The following TMEM8B variants were observed in gnomAD, a reference collection of about 807,000 sequenced individuals.
TMEM8B encodes the protein nasopharyngeal carcinoma expressed 6.
TMEM8B carries 29 observed loss-of-function variants against 49.3 expected under a neutral mutation model. That is an observed-to-expected ratio of 0.59 (90% CI 0.44 to 0.80). The LOEUF (loss-of-function observed/expected upper bound fraction) is 0.80. Ranked by LOEUF, TMEM8B falls within the 30% of genes least tolerant of loss-of-function variation. The pLI, the probability that TMEM8B is intolerant of heterozygous loss-of-function variation, is 0.00. For missense variants in TMEM8B, 575 were observed against 658.5 expected (o/e 0.87, Z 1.39); for synonymous variants, 264 against 272.8 (o/e 0.97, Z 0.32).
In TMEM8B at chr9:35,861,248, T is replaced by G. The variant is rs1287322413; in HGVS notation, c.*7408T>G. On this transcript the variant is annotated 3_prime_UTR_variant, in exon 13 of 13. Coordinates refer to ENST00000643932, the MANE Select transcript of TMEM8B (RefSeq NM_001042590.4). Reference sequence around the variant, plus strand: ...TTCGTTGTATCCACGATTTGTCGAGTTGCAGGGCTCACCCTTTCCTGAAGA... The same window carrying G: ...TTCGTTGTATCCACGATTTGTCGAGGTGCAGGGCTCACCCTTTCCTGAAGA... The G allele has an allele frequency of 6.6e-6, 1 of 152,262 alleles. No homozygotes were observed. Among genetic ancestry groups the G allele is most frequent in the Non-Finnish European group, 1.5e-5 (1 of 68,060 alleles). 9.4% of individuals were successfully genotyped at this position (152,262 alleles called of 1,614,324 possible).
intron 1 of TMEM8B, among the ~76,000 whole-genome samples, chr9:35,834,019 G>T (rs1375010736): frequency 7.2e-6 from 1 of 138,768 alleles, no homozygotes; most frequent in Non-Finnish European, 1.5e-5. Flanking sequence ...GGCTTAAGAC[G>T]CCATGCCAAA....
chr9:35,829,514 T>G lies in TMEM8B; in HGVS notation c.67T>G (p.Ser23Ala), dbSNP rs1479976494. Reference sequence around the variant, plus strand: ...CCCGCCTTGGCCCCCAGCCCCGCCCTCGCCCCGCTTCCCACATCGGCCCCA... The same window carrying G: ...CCCGCCTTGGCCCCCAGCCCCGCCCGCGCCCCGCTTCCCACATCGGCCCCA... ...QSPPWPPAPP[S>A]PRFPHRPQPL... The change falls in exon 1 of 13, where the codon TCG (serine) becomes GCG (alanine). Residue 23 changes from serine (S) to alanine (A), a missense_variant. Ser to Ala is a moderately conservative substitution (Grantham distance 99). Coordinates refer to ENST00000643932, the MANE Select transcript of TMEM8B (RefSeq NM_001042590.4). 1 of 151,394 alleles carries G rather than the reference T, an allele frequency of 6.6e-6. No homozygotes were observed. The highest frequency in any genetic ancestry group is 1.1e-5 in the Non-Finnish European group (1 of 93,636). 9.4% of individuals were successfully genotyped at this position (151,394 alleles called of 1,614,324 possible).
At chr9:35,834,750 C>T (rs761322101) in intron 2 of TMEM8B, 100 bp downstream of exon 2, 8 of 411,944 alleles carry the variant, frequency 1.9e-5, no homozygotes, top group South Asian at 1.4e-4. Flanking sequence ...GACCCCAACC[C>T]GCGTCCAGAT....
At position 35,845,977 on chromosome 9, in the gene TMEM8B, C is replaced by T; in HGVS notation, c.1638C>T (p.Ser546=). Residue 546 remains serine (S), a splice_region_variant and synonymous_variant, in exon 7 of 13, where the codon AGC becomes AGT. Transcript: ENST00000643932. ...VLSLELQLNA[S]SVRQENVTVF... ...ACTTCCATACCTGCCCTCCCCAGAG[C>T]TCCGTGCGCCAGGAAAACGTGACGG... 4 of 1,613,912 alleles carry T rather than the reference C, an allele frequency of 2.5e-6. No homozygotes were observed. Among genetic ancestry groups the T allele is most frequent in the Non-Finnish European group, 3.4e-6 (4 of 1,179,914 alleles).
rs1051842959 is a variant in TMEM8B at position 35,829,964 on chromosome 9, A to T, written c.508+9A>T. ...CCTTGGCCCAGGGGCTGGTGAGTGC[A>T]GAAGCAGGGAAGATTGAGGCAGGAA... On this transcript the variant is annotated intron_variant, in intron 1 of 12. Transcript: ENST00000643932. 3 of 415,638 alleles carry T rather than the reference A, an allele frequency of 7.2e-6. No homozygotes were observed. The highest frequency in any genetic ancestry group is 1.3e-5 in the Non-Finnish European group (3 of 226,508). 25.7% of individuals were successfully genotyped at this position (415,638 alleles called of 1,614,324 possible). A position where few individuals can be genotyped will look rare whatever the true frequency, so the allele number is the denominator to read the frequency against.
chr9:35,837,294 CAG>C (rs201980449), intron 3 of TMEM8B, among the ~76,000 whole-genome samples: 2,404 of 152,006 alleles, frequency 0.016, 65 homozygotes, highest in African/African-American at 0.054. Context: ...GCTGGGGACA[CAG>C]AGAAAAATAA....
At position 35,863,945 on chromosome 9, in the gene TMEM8B, G is replaced by C. The variant is rs781418052; in HGVS notation, c.*10105G>C. The C allele has an allele frequency of 2.6e-5, 4 of 152,222 alleles. No homozygotes were observed. The highest frequency in any genetic ancestry group is 9.7e-5 in the African/African-American group (4 of 41,430). 9.4% of individuals were successfully genotyped at this position (152,222 alleles called of 1,614,324 possible). ...ACCAGTGTCACGCAGTGTCACGCTC[G>C]GTCATGGCCTGGAAGATCAGAGTCA... On this transcript the variant is annotated 3_prime_UTR_variant, in exon 13 of 13. Coordinates refer to ENST00000643932, the MANE Select transcript of TMEM8B (RefSeq NM_001042590.4).
chr9:35,842,265 G>T lies in TMEM8B; in HGVS notation c.1310-127G>T. On this transcript the variant is annotated intron_variant, in intron 5 of 12. Coordinates refer to ENST00000643932, the MANE Select transcript of TMEM8B (RefSeq NM_001042590.4). This position sits in a 1 kb window ranked among gnomAD's most constrained non-coding sequence, Gnocchi z 5.6. ...ACCTGGATGCCCCACACTCCCAAGG[G>T]ACATCGCATTCTAGTTCTCATCCTT... is the stretch of plus-strand genomic sequence containing the variant. The T allele has an allele frequency of 1.4e-6, 1 of 693,696 alleles. No homozygotes were observed. The highest frequency in any genetic ancestry group is 2.3e-6 in the Non-Finnish European group (1 of 441,196). 43.0% of individuals were successfully genotyped at this position (693,696 alleles called of 1,614,324 possible).
At chr9:35,843,306 A>C (rs984861348) in intron 6 of TMEM8B, among the ~76,000 whole-genome samples, 1 of 152,140 alleles carries the variant, frequency 6.6e-6, no homozygotes, top group African/African-American at 2.4e-5. Context: ...GTTTTCCCCT[A>C]TTATTAATAT....
Position 35,842,329 on chromosome 9 carries a change from TTA to T in TMEM8B, c.1310-61_1310-60del. The T allele has an allele frequency of 7.9e-7, 1 of 1,270,406 alleles. No homozygotes were observed. Among genetic ancestry groups the T allele is most frequent in the African/African-American group, 1.5e-5 (1 of 66,370 alleles). The allele number at this position is 1,270,406 out of a possible 1,614,324, so 78.7% of individuals were successfully genotyped here. A position where few individuals can be genotyped will look rare whatever the true frequency, so the allele number is the denominator to read the frequency against. ...GAAATCCTGTCTAGCTCAGATGTGT[TTA>T]TGAGTAAGTTCAGGACTGTAAAGGC... On this transcript the variant is annotated intron_variant, in intron 5 of 12. Coordinates refer to ENST00000643932, the MANE Select transcript of TMEM8B (RefSeq NM_001042590.4). The surrounding 1 kb of genome is among the most constrained non-coding windows in gnomAD (Gnocchi z 5.6).
chr9:35,833,629 A>G (rs973333287), intron 1 of TMEM8B, among the ~76,000 whole-genome samples: 3 of 152,108 alleles, frequency 2.0e-5, no homozygotes, highest in Admixed American at 6.5e-5. Flanking sequence ...AATATTCCCA[A>G]GGGGCTTGAA....
chr9:35,837,942 C>G (rs1335088836), intron 3 of TMEM8B, among the ~76,000 whole-genome samples: 2 of 152,118 alleles, frequency 1.3e-5, no homozygotes, highest in Admixed American at 1.3e-4. Context: ...TCCCAAATGT[C>G]TAGAGTGCAG....
chr9:35,846,107 T>TGGG, intron 7 of TMEM8B, 39 bp downstream of exon 7: 1 of 1,554,046 alleles, frequency 6.4e-7, no homozygotes, highest in African/African-American at 1.6e-5. Flanking sequence ...AGCTGCAGTG[T>TGGG]GGGGGTGGTG....
chr9:35,842,841 A>G lies in TMEM8B; in HGVS notation c.1635+124A>G, dbSNP rs2132309379. The G allele has an allele frequency of 2.0e-6, 2 of 993,166 alleles. No homozygotes were observed. Among genetic ancestry groups the G allele is most frequent in the Non-Finnish European group, 2.9e-6 (2 of 695,094 alleles). The allele number at this position is 993,166 out of a possible 1,614,324, so 61.5% of individuals were successfully genotyped here. ...CAGGTTGCTCCCACCCATCCTGACA[A>G]TTAGGGACCATGGCTCAGCCCAATT... On this transcript the variant is annotated intron_variant, in intron 6 of 12. Transcript: ENST00000643932. This position sits in a 1 kb window ranked among gnomAD's most constrained non-coding sequence, Gnocchi z 5.6.
Position 35,842,082 on chromosome 9 carries a change from C to T in TMEM8B, c.1309+288C>T, listed in dbSNP as rs1365097899. 3.3e-5 allele frequency among the ~76,000 whole-genome samples: 5 copies of T among 152,174 alleles called. No homozygotes were observed. Among genetic ancestry groups the T allele is most frequent in the African/African-American group, 1.2e-4 (5 of 41,414 alleles). On this transcript the variant is annotated intron_variant, in intron 5 of 12. Coordinates refer to ENST00000643932, the MANE Select transcript of TMEM8B (RefSeq NM_001042590.4). This position sits in a 1 kb window ranked among gnomAD's most constrained non-coding sequence, Gnocchi z 5.6. ...GCAGGGACATCCAGGACCTCTGGGA[C>T]ACTGTCCTTGCCAAAGCCCTTGCAA...
Position 35,859,451 on chromosome 9 carries a change from C to G in TMEM8B, c.*5611C>G, listed in dbSNP as rs906150663. ...AGGCCAGTTTTAGCACTGCCAAGAT[C>G]TCATAGAAGTAGTTGATGACGTGGC... On this transcript the variant is annotated 3_prime_UTR_variant, in exon 13 of 13. Transcript: ENST00000643932. 6.5e-6 allele frequency: 1 copy of G among 153,258 alleles called. No homozygotes were observed. Among genetic ancestry groups the G allele is most frequent in the Admixed American group, 6.5e-5 (1 of 15,284 alleles). 9.5% of individuals were successfully genotyped at this position (153,258 alleles called of 1,614,324 possible).
chr9:35,837,674 G>C (rs899766214), intron 3 of TMEM8B, among the ~76,000 whole-genome samples: 43 of 152,206 alleles, frequency 2.8e-4, no homozygotes, highest in African/African-American at 9.9e-4. Context: ...ACTTCTGCCA[G>C]ACCCTGTGTC....
At chr9:35,851,099 T>C (rs1832088436) in intron 10 of TMEM8B, among the ~76,000 whole-genome samples, 1 of 152,202 alleles carries the variant, frequency 6.6e-6, no homozygotes, top group East Asian at 1.9e-4. Context: ...CAAACATTAA[T>C]TACTTAACCA....
At chr9:35,851,472 T>C (rs1832129421) in intron 10 of TMEM8B, among the ~76,000 whole-genome samples, 1 of 152,236 alleles carries the variant, frequency 6.6e-6, no homozygotes, top group Non-Finnish European at 1.5e-5. Context: ...AATGTTGATA[T>C]GGACCTACAT....
Sources: gnomAD v4.1 joint callset for allele counts (sites outside exome capture counted in the v4.1 genomes callset) on GRCh38, gnomAD v4.1.1 for gene constraint, Gnocchi (gnomAD v3.1) non-coding constraint, MANE v1.5 for transcripts, NCBI Gene and HGNC (gene_info 2026-07-23, HGNC 2026-07-21) for gene names.